The following RSPO2 variants were observed in gnomAD, a reference collection of about 807,000 sequenced individuals.
RSPO2 encodes R-spondin-2.
Under a neutral mutation model 30.9 loss-of-function variants are expected in RSPO2, and 14 were observed. The observed-to-expected ratio is 0.45, with a 90% CI of 0.30 to 0.71. The LOEUF is 0.71. Ranked by LOEUF, RSPO2 falls within the 30% of genes least tolerant of loss-of-function variation. The pLI is 0.08. For missense variants in RSPO2, 264 were observed against 301.9 expected (o/e 0.87, Z 0.93); for synonymous variants, 107 against 96.4 (o/e 1.11, Z -0.64).
chr8:107,962,628 C>A (rs917840345), intron 3 of RSPO2, among the ~76,000 whole-genome samples: 3 of 152,070 alleles, frequency 2.0e-5, no homozygotes, highest in Admixed American at 6.6e-5. Flanking sequence ...TGGTCAATAA[C>A]CTCTTAATCA....
At chr8:108,020,777 A>C in intron 2 of RSPO2, among the ~76,000 whole-genome samples, 1 of 152,270 alleles carries the variant, frequency 6.6e-6, no homozygotes, top group East Asian at 1.9e-4. Context: ...TGATACTCTA[A>C]TCACTTATAA....
chr8:107,941,137 T>C (rs521242), intron 5 of RSPO2, among the ~76,000 whole-genome samples: 83,460 of 151,850 alleles, frequency 0.55, 24,534 homozygotes, highest in East Asian at 0.7. Flanking sequence ...GCTGGTGGAT[T>C]GGCGTGGACC....
rs779511463 is a variant in RSPO2 at position 108,077,794 on chromosome 8, T to C, written c.94+4751A>G. Among the ~76,000 whole-genome samples, 66 of 152,192 alleles carry C rather than the reference T, an allele frequency of 4.3e-4. 1 individual carries two copies. Among genetic ancestry groups the C allele is most frequent in the Non-Finnish European group, 7.9e-4 (54 of 68,028 alleles). On this transcript the variant is annotated intron_variant, in intron 2 of 5. Coordinates refer to ENST00000276659, the MANE Select transcript of RSPO2 (RefSeq NM_178565.5). ...AACACTGTCTTCACCTGATCAGCCC[T>C]TGATTGCTGCAGTTAATGGAGAAAA...
At chr8:108,037,981 A>T (rs1183500162) in intron 2 of RSPO2, among the ~76,000 whole-genome samples, 1 of 152,210 alleles carries the variant, frequency 6.6e-6, no homozygotes, top group Admixed American at 6.5e-5. Context: ...TAGCCAGTGG[A>T]TCAAGGAGTA....
intron 3 of RSPO2, among the ~76,000 whole-genome samples, chr8:107,961,092 A>T (rs916170595): frequency 3.9e-5 from 6 of 152,160 alleles, no homozygotes; most frequent in Admixed American, 3.3e-4. Context: ...TCCAGATGGG[A>T]TTAAAACAAA....
chr8:108,039,889 G>A (rs898139373), intron 2 of RSPO2, among the ~76,000 whole-genome samples: 1 of 152,170 alleles, frequency 6.6e-6, no homozygotes, highest in Non-Finnish European at 1.5e-5. Flanking sequence ...CTTAGAAGAA[G>A]AGGCCAGAGA....
chr8:107,993,349 A>G (rs1469455858), intron 2 of RSPO2, among the ~76,000 whole-genome samples: 2 of 152,204 alleles, frequency 1.3e-5, no homozygotes, highest in Non-Finnish European at 2.9e-5. Flanking sequence ...AGAATAGACA[A>G]ATTACGGTAT....
chr8:107,960,600 C>T, intron 4 of RSPO2, 74 bp downstream of exon 4: 1 of 1,346,028 alleles, frequency 7.4e-7, no homozygotes, highest in Non-Finnish European at 1.0e-6. Flanking sequence ...TAAATATATC[C>T]AGCATGCATA....
At chr8:107,970,354 C>A (rs1475814263) in intron 3 of RSPO2, among the ~76,000 whole-genome samples, 1 of 152,058 alleles carries the variant, frequency 6.6e-6, no homozygotes, top group African/African-American at 2.4e-5. Context: ...AGCTTAAGGG[C>A]CCTAACAAAA....
At chr8:108,060,933 T>A (rs1383375752) in intron 2 of RSPO2, among the ~76,000 whole-genome samples, 3 of 151,748 alleles carry the variant, frequency 2.0e-5, no homozygotes, top group Non-Finnish European at 4.4e-5. Flanking sequence ...CCAGCCAAAC[T>A]AAGCTTCATA....
chr8:108,044,143 T>A (rs1026251896), intron 2 of RSPO2, among the ~76,000 whole-genome samples: 10 of 146,950 alleles, frequency 6.8e-5, no homozygotes, highest in African/African-American at 2.3e-4. Flanking sequence ...TATCACTGAT[T>A]CTGTTGTCTG....
intron 5 of RSPO2, among the ~76,000 whole-genome samples, chr8:107,931,896 T>C (rs996256997): frequency 5.9e-5 from 9 of 152,214 alleles, no homozygotes; most frequent in African/African-American, 2.2e-4. Flanking sequence ...TACATTGGCA[T>C]GTGCATCTAC....
At chr8:108,028,166 G>T (rs897059641) in intron 2 of RSPO2, among the ~76,000 whole-genome samples, 1 of 152,028 alleles carries the variant, frequency 6.6e-6, no homozygotes, top group Non-Finnish European at 1.5e-5. Context: ...CAGGACATTT[G>T]GTCACCTTAA....
At chr8:107,998,666 T>C (rs1815113471) in intron 2 of RSPO2, among the ~76,000 whole-genome samples, 1 of 152,118 alleles carries the variant, frequency 6.6e-6, no homozygotes, top group Non-Finnish European at 1.5e-5. Flanking sequence ...AGGGCTATAT[T>C]AACATAAATT....
intron 5 of RSPO2, among the ~76,000 whole-genome samples, chr8:107,903,506 TG>T (rs1196961669): frequency 1.3e-5 from 2 of 152,264 alleles, no homozygotes; most frequent in African/African-American, 4.8e-5. Context: ...CAATATTAAA[TG>T]GTTTTGGGTT....
intron 5 of RSPO2, among the ~76,000 whole-genome samples, chr8:107,939,981 A>G (rs777193387): frequency 3.9e-5 from 6 of 152,158 alleles, no homozygotes; most frequent in Non-Finnish European, 5.9e-5. Context: ...CTGATGCCCT[A>G]TAAGTCAGCA....
At chr8:107,949,358 G>A (rs535968898) in intron 5 of RSPO2, among the ~76,000 whole-genome samples, 5 of 151,408 alleles carry the variant, frequency 3.3e-5, no homozygotes, top group Non-Finnish European at 7.4e-5. Context: ...GTGGCGGAGT[G>A]GTATTCCATG....
chr8:107,982,786 G>T (rs1586600042), intron 3 of RSPO2, among the ~76,000 whole-genome samples: 1 of 152,046 alleles, frequency 6.6e-6, no homozygotes, highest in Non-Finnish European at 1.5e-5. Context: ...TTACTTCTCC[G>T]CAAGCCTTCC....
chr8:107,919,755 A>T (rs1323335283), intron 5 of RSPO2, among the ~76,000 whole-genome samples: 1 of 152,076 alleles, frequency 6.6e-6, no homozygotes, highest in African/African-American at 2.4e-5. Flanking sequence ...CCACCCACCA[A>T]GTTGTCCTTA....
Sources: allele counts gnomAD v4.1 joint callset (sites outside exome capture counted in the v4.1 genomes callset), GRCh38; gene constraint gnomAD v4.1.1; transcripts MANE v1.5; gene names NCBI Gene and HGNC (gene_info 2026-07-23, HGNC 2026-07-21).